Variants in AGBL1 observed in about 807,000 individuals in gnomAD.
The protein encoded by AGBL1 is cytosolic carboxypeptidase 4.
AGBL1 carries 130 observed loss-of-function variants against 118.9 expected under a neutral mutation model. The observed-to-expected ratio is 1.09, with a 90% CI of 0.95 to 1.26. AGBL1 has a LOEUF of 1.26. AGBL1 is among the 50% of genes most tolerant of loss of function. The pLI is 0.00. For synonymous variants in AGBL1, 555 were observed against 478.9 expected (o/e 1.16, Z -2.08); for missense variants, 1,584 against 1,298.1 (o/e 1.22, Z -3.38).
At chr15:86,198,783 T>G (rs2077857670) in intron 5 of AGBL1, among the ~76,000 whole-genome samples, 1 of 152,130 alleles carries the variant, frequency 6.6e-6, no homozygotes, top group Non-Finnish European at 1.5e-5. Context: ...TAGCAGAAAC[T>G]GACCCTCCCA....
intron 5 of AGBL1, among the ~76,000 whole-genome samples, chr15:86,206,063 G>A (rs981595002): frequency 6.6e-6 from 1 of 152,140 alleles, no homozygotes; most frequent in Admixed American, 6.5e-5. Flanking sequence ...ACATATGAGT[G>A]AGAACATGCA....
intron 22 of AGBL1, among the ~76,000 whole-genome samples, chr15:86,716,244 T>C (rs2086636908): frequency 6.6e-6 from 1 of 152,118 alleles, no homozygotes. Flanking sequence ...TGCTATACAC[T>C]GCAGAGTGTT....
At chr15:86,657,630 C>A (rs2085481396) in intron 21 of AGBL1, among the ~76,000 whole-genome samples, 1 of 152,126 alleles carries the variant, frequency 6.6e-6, no homozygotes, top group Non-Finnish European at 1.5e-5. Flanking sequence ...TTTCAAACCC[C>A]TAGTTAATGG....
chr15:86,471,314 C>A (rs981020343), intron 18 of AGBL1, among the ~76,000 whole-genome samples: 3 of 152,164 alleles, frequency 2.0e-5, no homozygotes, highest in Non-Finnish European at 4.4e-5. Context: ...ATATGATTTT[C>A]ATCCTTCATT....
chr15:86,079,648 G>A (rs535259659), upstream of AGBL1: 2 of 225,146 alleles, frequency 8.9e-6, no homozygotes, highest in African/African-American at 2.2e-5. Context: ...GCCATCCAGG[G>A]TGGCTTCTCC....
At chr15:86,757,727 C>G (rs935345506) in intron 22 of AGBL1, among the ~76,000 whole-genome samples, 1 of 152,032 alleles carries the variant, frequency 6.6e-6, no homozygotes, top group African/African-American at 2.4e-5. Flanking sequence ...TAGGAATTTC[C>G]TTTCTTTCCT....
intron 1 of AGBL1, among the ~76,000 whole-genome samples, chr15:86,092,592 C>A (rs542335143): frequency 1.3e-5 from 2 of 152,030 alleles, no homozygotes; most frequent in Admixed American, 1.3e-4. Context: ...GTATTTTTGC[C>A]TCAGTCTTAG....
At chr15:86,311,195 G>C (rs536275121) in intron 17 of AGBL1, among the ~76,000 whole-genome samples, 41 of 152,270 alleles carry the variant, frequency 2.7e-4, no homozygotes, top group Non-Finnish European at 4.7e-4. Flanking sequence ...GACCAATTCA[G>C]CAATGCATCA....
chr15:86,886,921 G>A (rs1462584081), intron 22 of AGBL1, among the ~76,000 whole-genome samples: 5 of 152,094 alleles, frequency 3.3e-5, no homozygotes, highest in African/African-American at 7.2e-5. Context: ...CCTTTCTCTC[G>A]CCAAGTGTGT....
At chr15:86,571,369 C>T (rs918940078) in intron 21 of AGBL1, among the ~76,000 whole-genome samples, 3 of 152,144 alleles carry the variant, frequency 2.0e-5, no homozygotes, top group African/African-American at 7.2e-5. Flanking sequence ...ATGAGGTTCA[C>T]AGACAAGTGG....
At position 86,755,343 on chromosome 15, in the gene AGBL1, A is replaced by T. The variant is rs1284114537; in HGVS notation, c.3158+80907A>T. Among the ~76,000 whole-genome samples, 5 of 152,216 alleles carry T rather than the reference A, an allele frequency of 3.3e-5. No individual in the cohort carries two copies. The East Asian group carries it at 9.7e-4, about 29-fold the overall frequency. On this transcript the variant is annotated intron_variant, in intron 22 of 22. Transcript: ENST00000614907. ...TACTTCATTTGAAGTTTGAGTTATT[A>T]TTACAGCTGAGTAGCGGACAGACCA...
At chr15:86,224,437 T>C (rs1173897886) in intron 5 of AGBL1, among the ~76,000 whole-genome samples, 1 of 152,170 alleles carries the variant, frequency 6.6e-6, no homozygotes, top group East Asian at 1.9e-4. Context: ...AATGTGTGAA[T>C]GCATTTTCCA....
Position 86,914,852 on chromosome 15 carries a change from C to G in AGBL1, c.*7558C>G, listed in dbSNP as rs919027196. 2.0e-5 allele frequency: 3 copies of G among 152,148 alleles called. No individual in the cohort carries two copies. Among genetic ancestry groups the G allele is most frequent in the Non-Finnish European group, 4.4e-5 (3 of 68,038 alleles). The allele number at this position is 152,148 out of a possible 1,614,324, so 9.4% of individuals were successfully genotyped here. A position where few individuals can be genotyped will look rare whatever the true frequency, so the allele number is the denominator to read the frequency against. ...TCCATTTCTAGGAAAGTGTGTTGTT[C>G]TTGTAGATCCTTGACTCAAATACAA... On this transcript the variant is annotated 3_prime_UTR_variant, in exon 23 of 23. Coordinates refer to ENST00000614907, the MANE Select transcript of AGBL1 (RefSeq NM_001386094.1).
chr15:86,718,414 A>C (rs934278289), intron 22 of AGBL1, among the ~76,000 whole-genome samples: 14 of 152,158 alleles, frequency 9.2e-5, no homozygotes, highest in African/African-American at 3.4e-4. Flanking sequence ...GAGGGATAGC[A>C]TTAGGAGGTA....
chr15:86,965,352 T>C (rs556634159), intron 23 of AGBL1, among the ~76,000 whole-genome samples: 6 of 152,164 alleles, frequency 3.9e-5, no homozygotes, highest in Non-Finnish European at 8.8e-5. Context: ...TATCTCATTG[T>C]GGTTTTGGTT....
intron 22 of AGBL1, among the ~76,000 whole-genome samples, chr15:86,703,531 A>T (rs1372838641): frequency 6.6e-6 from 1 of 152,156 alleles, no homozygotes; most frequent in Non-Finnish European, 1.5e-5. Flanking sequence ...CGATAAAATA[A>T]ATTCTTAGTG....
At chr15:86,109,881 T>C (rs1441353234) in intron 1 of AGBL1, 2 of 152,200 alleles carry the variant, frequency 1.3e-5, no homozygotes, top group East Asian at 3.8e-4. Flanking sequence ...ATTGCTATAA[T>C]CAGATGGCTA....
intron 19 of AGBL1, among the ~76,000 whole-genome samples, chr15:86,536,967 G>A (rs2083435030): frequency 6.6e-6 from 1 of 152,222 alleles, no homozygotes; most frequent in Admixed American, 6.5e-5. Context: ...CAGCAAGGTA[G>A]CAATGATCGT....
intron 22 of AGBL1, among the ~76,000 whole-genome samples, chr15:86,690,614 G>C (rs1425801449): frequency 6.6e-6 from 1 of 152,142 alleles, no homozygotes; most frequent in Admixed American, 6.6e-5. Flanking sequence ...CGAATCATTA[G>C]GGTGACAAAG....
Sources: allele counts gnomAD v4.1 joint callset (sites outside exome capture counted in the v4.1 genomes callset), GRCh38; gene constraint gnomAD v4.1.1; transcripts MANE v1.5; gene names NCBI Gene and HGNC (gene_info 2026-07-23, HGNC 2026-07-21).